The following CDH12 variants were observed in gnomAD, a reference collection of about 807,000 sequenced individuals.
The protein encoded by CDH12 is cadherin 12, also known as cadherin-12.
A neutral mutation model predicts 74.1 loss-of-function variants in CDH12; 41 were observed. That is an observed-to-expected ratio of 0.55 (90% CI 0.43 to 0.72). CDH12 has a LOEUF of 0.72. Ranked by LOEUF, CDH12 falls within the 30% of genes least tolerant of loss-of-function variation. The probability of loss-of-function intolerance (pLI) is 0.00; values close to 1 mark genes in which losing one functional copy is unlikely to be tolerated. For missense variants in CDH12, 945 were observed against 977.2 expected (o/e 0.97, Z 0.44); for synonymous variants, 399 against 355.0 (o/e 1.12, Z -1.39).
At chr5:22,640,854 G>A (rs1468474785) in intron 1 of CDH12, among the ~76,000 whole-genome samples, 3 of 152,084 alleles carry the variant, frequency 2.0e-5, no homozygotes, top group Non-Finnish European at 2.9e-5. Flanking sequence ...CTATTCATAC[G>A]ATTCTCTACC....
intron 1 of CDH12, among the ~76,000 whole-genome samples, chr5:22,704,031 C>T (rs887715000): frequency 6.6e-6 from 1 of 152,162 alleles, no homozygotes. Context: ...CTAATTGGTT[C>T]TCAAACATTT....
chr5:22,407,563 T>C (rs1007651996), intron 2 of CDH12, among the ~76,000 whole-genome samples: 2 of 152,036 alleles, frequency 1.3e-5, no homozygotes, highest in African/African-American at 4.8e-5. Context: ...ATCATAGCAC[T>C]GCCTAATTAA....
intron 1 of CDH12, among the ~76,000 whole-genome samples, chr5:22,702,515 C>T (rs1403180893): frequency 1.3e-5 from 2 of 152,046 alleles, no homozygotes; most frequent in Non-Finnish European, 2.9e-5. Context: ...CTCCTCTTCT[C>T]TTGGAATCTC....
intron 4 of CDH12, among the ~76,000 whole-genome samples, chr5:22,156,706 A>G (rs867863325): frequency 6.6e-6 from 1 of 152,088 alleles, no homozygotes; most frequent in African/African-American, 2.4e-5. Flanking sequence ...AGCACCAGAG[A>G]ACTGAGACAT....
rs376437267 is a variant in CDH12, at chr5:22,110,487, C to A, written c.-186-31625G>T. Reference sequence around the variant, plus strand: ...AATTTGGGGGAAGGGGTGGGGGTGGCTAGGCAATAGGCACTCACTTCTGAT... The same window carrying A: ...AATTTGGGGGAAGGGGTGGGGGTGGATAGGCAATAGGCACTCACTTCTGAT... On this transcript the variant is annotated intron_variant, in intron 4 of 14. Transcript: ENST00000382254. 6.6e-5 allele frequency among the ~76,000 whole-genome samples: 10 copies of A among 151,374 alleles called. No homozygotes were observed. The South Asian group carries it at 2.1e-3, about 32-fold the overall frequency.
chr5:22,518,510 T>C (rs1200634560), intron 1 of CDH12, among the ~76,000 whole-genome samples: 1 of 152,226 alleles, frequency 6.6e-6, no homozygotes, highest in Non-Finnish European at 1.5e-5. Context: ...CAAATGCAAT[T>C]ATTTACCAAG....
chr5:22,384,436 G>A (rs939753181), intron 3 of CDH12, among the ~76,000 whole-genome samples: 80 of 143,718 alleles, frequency 5.6e-4, no homozygotes, highest in African/African-American at 1.9e-3. Context: ...TGAGGCAGGA[G>A]AATGGCGTGA....
At chr5:21,871,904 G>A (rs1042115297) in intron 6 of CDH12, among the ~76,000 whole-genome samples, 15 of 152,038 alleles carry the variant, frequency 9.9e-5, no homozygotes, top group African/African-American at 3.4e-4. Context: ...TTAGAAAAGG[G>A]AGGTTTTGAA....
chr5:22,848,041 G>C (rs1737386462), intron 1 of CDH12, among the ~76,000 whole-genome samples: 1 of 152,048 alleles, frequency 6.6e-6, no homozygotes, highest in African/African-American at 2.4e-5. Flanking sequence ...GCACCACCAT[G>C]CCTGGTGATC....
chr5:22,626,241 C>T (rs1467744434), intron 1 of CDH12, among the ~76,000 whole-genome samples: 6 of 152,202 alleles, frequency 3.9e-5, no homozygotes, highest in African/African-American at 1.4e-4. Context: ...CCCCAGCTGA[C>T]AGAGCGCACC....
intron 6 of CDH12, among the ~76,000 whole-genome samples, chr5:21,910,362 C>T (rs1753810537): frequency 6.6e-6 from 1 of 152,132 alleles, no homozygotes. Flanking sequence ...TCTCAGAGCT[C>T]TGTTTTCATG....
chr5:22,341,104 T>C (rs906622908), intron 3 of CDH12, among the ~76,000 whole-genome samples: 10 of 152,242 alleles, frequency 6.6e-5, no homozygotes, highest in Admixed American at 3.3e-4. Flanking sequence ...TCAGCTAATG[T>C]AAATTCTCCT....
At chr5:22,425,328 T>C (rs1426602791) in intron 2 of CDH12, among the ~76,000 whole-genome samples, 2 of 151,456 alleles carry the variant, frequency 1.3e-5, no homozygotes, top group African/African-American at 4.8e-5. Context: ...TTATTTTGTT[T>C]ACTTTATCTG....
intron 3 of CDH12, among the ~76,000 whole-genome samples, chr5:22,302,697 A>G (rs1003562517): frequency 6.6e-6 from 1 of 152,176 alleles, no homozygotes; most frequent in Admixed American, 6.5e-5. Flanking sequence ...CAGGTCTCTG[A>G]AAACATATGT....
intron 1 of CDH12, among the ~76,000 whole-genome samples, chr5:22,630,238 A>G (rs936782579): frequency 6.6e-6 from 1 of 152,128 alleles, no homozygotes; most frequent in African/African-American, 2.4e-5. Flanking sequence ...ATCATTCATC[A>G]CAGAATTAGA....
intron 6 of CDH12, among the ~76,000 whole-genome samples, chr5:21,963,579 T>C (rs188621524): frequency 1.2e-4 from 19 of 152,200 alleles, no homozygotes; most frequent in Non-Finnish European, 1.0e-4. Flanking sequence ...CTTATATATG[T>C]TGCCCAGTCT....
chr5:22,689,232 G>T (rs1190605722), intron 1 of CDH12, among the ~76,000 whole-genome samples: 1 of 152,166 alleles, frequency 6.6e-6, no homozygotes, highest in Non-Finnish European at 1.5e-5. Context: ...GGGCACATAA[G>T]ATGGAAAGAG....
chr5:21,764,889 T>G, intron 12 of CDH12, 89 bp downstream of exon 12: 1 of 1,200,914 alleles, frequency 8.3e-7, no homozygotes, highest in Non-Finnish European at 1.2e-6. Context: ...AAAACAAATA[T>G]ATGTGTGCAT....
intron 8 of CDH12, among the ~76,000 whole-genome samples, chr5:21,829,028 G>A (rs888302807): frequency 6.6e-6 from 1 of 151,570 alleles, no homozygotes; most frequent in Non-Finnish European, 1.5e-5. Context: ...GGGCGCAGTG[G>A]CTCATGCCTG....
Sources: gnomAD v4.1 joint callset for allele counts (sites outside exome capture counted in the v4.1 genomes callset) on GRCh38, gnomAD v4.1.1 for gene constraint, MANE v1.5 for transcripts, NCBI Gene and HGNC (gene_info 2026-07-23, HGNC 2026-07-21) for gene names.